Variants in POLE observed in about 807,000 individuals in gnomAD.
The protein encoded by POLE is DNA polymerase epsilon, catalytic subunit.
POLE carries 188 observed loss-of-function variants against 279.2 expected under a neutral mutation model. The observed-to-expected ratio is 0.67, with a 90% CI of 0.60 to 0.76. POLE has a LOEUF of 0.76. Ranked by LOEUF, POLE falls within the 30% of genes least tolerant of loss-of-function variation. The pLI is 0.00. For synonymous variants in POLE, 1,214 were observed against 1,172.5 expected, an observed-to-expected ratio of 1.04 and a Z score of -0.72; for missense variants, 2,703 against 3,016.7, an observed-to-expected ratio of 0.90 and a Z score of 2.44.
In POLE at chr12:132,675,709, T is replaced by A. The variant is rs752346928; in HGVS notation, c.1106+26A>T. The stretch of plus-strand genomic sequence containing the variant: ...CCCTCCCTCTCAAATGCTGCCCAGT[T>A]ACTCATAGAGAAGACACAGACTCAC... On this transcript the variant is annotated intron_variant, in intron 11 of 48. Coordinates refer to ENST00000320574, the MANE Select transcript of POLE (RefSeq NM_006231.4). This position sits in a 1 kb window ranked among gnomAD's most constrained non-coding sequence, Gnocchi z 4.3. 6.2e-7 allele frequency: 1 copy of A among 1,602,362 alleles called. No homozygotes were observed.
chr12:132,661,772 T>C lies in POLE; in HGVS notation c.2707-88A>G, dbSNP rs1436029366. 3.0e-6 allele frequency: 4 copies of C among 1,344,756 alleles called. No homozygotes were observed. The highest frequency in any genetic ancestry group is 4.3e-5 in the Admixed American group (2 of 46,324). 83.3% of individuals were successfully genotyped at this position (1,344,756 alleles called of 1,614,324 possible). A position where few individuals can be genotyped will look rare whatever the true frequency, so the allele number is the denominator to read the frequency against. On this transcript the variant is annotated intron_variant, in intron 23 of 48. Coordinates refer to ENST00000320574, the MANE Select transcript of POLE (RefSeq NM_006231.4). This position sits in a 1 kb window ranked among gnomAD's most constrained non-coding sequence, Gnocchi z 4.1. Reference sequence around the variant, plus strand: ...TGGTGTCCCTCCAGGAGTGGATGGATTGACAAACCGAGGCTTTTCCACATA... The same window carrying C: ...TGGTGTCCCTCCAGGAGTGGATGGACTGACAAACCGAGGCTTTTCCACATA...
Position 132,638,058 on chromosome 12 carries a change from G to A in POLE, c.5634C>T (p.Arg1878=), listed in dbSNP as rs2138500838. Residue 1878 remains arginine, a synonymous_variant, in exon 41 of 49, where the codon CGC becomes CGT. Transcript: ENST00000320574. The part of the protein sequence containing the change: ...FNRIILCTKK[R]RVEDAIAYVE... ...CGTAAGCGATGGCATCTTCCACACG[G>A]CGCTTCTTTGTACAGAGGATGATGC... 6.2e-7 allele frequency: 1 copy of A among 1,614,024 alleles called. No individual in the cohort carries two copies. Among genetic ancestry groups the A allele is most frequent in the Non-Finnish European group, 8.5e-7 (1 of 1,179,974 alleles).
At chr12:132,672,999 G>T (rs938985065) in intron 14 of POLE, among the ~76,000 whole-genome samples, 160 bp from the exon 15 acceptor site, 1 of 152,108 alleles carries the variant, frequency 6.6e-6, no homozygotes, top group Non-Finnish European at 1.5e-5. Flanking sequence ...CTCACACCAG[G>T]GCCAGAGAAT....
chr12:132,634,372 A>G lies in POLE; in HGVS notation c.5818T>C (p.Ser1940Pro), dbSNP rs760770350. Residue 1940 changes from serine (S) to proline (P), a missense_variant, in exon 43 of 49, where the codon TCC (serine) becomes CCC (proline). Ser to Pro is a moderately conservative substitution (Grantham distance 74). This residue lies in a region of POLE where 1,551 missense variants were observed against 1,686.1 expected (regional missense o/e 0.92). Coordinates refer to ENST00000320574, the MANE Select transcript of POLE (RefSeq NM_006231.4). This position sits in a 1 kb window ranked among gnomAD's most constrained non-coding sequence, Gnocchi z 4.0. ...SSRIHCGLQDSQKAGGAEDEQ... is the reference protein window; with the variant it reads ...SSRIHCGLQDPQKAGGAEDEQ... ...TCCTCTGCTCCCCCTGCTTTCTGGG[A>G]GTCTTGCTGTAACACATGAGACAAC... is the stretch of plus-strand genomic sequence containing the variant. 1.2e-6 allele frequency: 2 copies of G among 1,612,652 alleles called. No individual in the cohort carries two copies. Among genetic ancestry groups the G allele is most frequent in the East Asian group, 2.2e-5 (1 of 44,858 alleles).
intron 48 of POLE, 33 bp from the exon 49 acceptor site, chr12:132,624,843 G>A: frequency 1.9e-6 from 3 of 1,586,264 alleles, no homozygotes; most frequent in Non-Finnish European, 1.7e-6. Flanking sequence ...TGAGACCCCA[G>A]TCCACTCAGA....
intron 39 of POLE, 31 bp downstream of exon 39, chr12:132,641,616 T>C (rs373771076): frequency 1.3e-6 from 2 of 1,578,708 alleles, no homozygotes; most frequent in Non-Finnish European, 1.7e-6. Context: ...ACCCTTCTAT[T>C]AGTAACACTC....
intron 5 of POLE, 147 bp downstream of exon 5, chr12:132,679,807 G>A (rs1272024978): frequency 1.0e-6 from 1 of 1,000,904 alleles, no homozygotes; most frequent in African/African-American, 1.6e-5. Flanking sequence ...CACCACTAGA[G>A]CTCTTTGGAA....
At chr12:132,670,111 C>T (rs58778201) in intron 16 of POLE, among the ~76,000 whole-genome samples, 2 of 152,164 alleles carry the variant, frequency 1.3e-5, no homozygotes, top group African/African-American at 4.8e-5. Flanking sequence ...GTGGCTCACG[C>T]CTGTAATCCC....
intron 32 of POLE, among the ~76,000 whole-genome samples, chr12:132,647,909 T>C (rs1183129587): frequency 6.6e-6 from 1 of 152,166 alleles, no homozygotes; most frequent in East Asian, 1.9e-4. Context: ...TGGCTCTGCG[T>C]CTACTTTCTA....
At chr12:132,679,813 T>C (rs1229991612) in intron 5 of POLE, 141 bp downstream of exon 5, 3 of 1,007,412 alleles carry the variant, frequency 3.0e-6, no homozygotes, top group African/African-American at 1.6e-5. Context: ...TAGAGCTCTT[T>C]GGAAGGAATT....
At chr12:132,685,546 T>G (rs939523418) in intron 1 of POLE, among the ~76,000 whole-genome samples, 3 of 152,348 alleles carry the variant, frequency 2.0e-5, no homozygotes, top group African/African-American at 7.2e-5. Context: ...ATAAAGCATG[T>G]AAGGTAAAAG....
In POLE at chr12:132,634,328, G is replaced by A. The variant is rs369929044; in HGVS notation, c.5862C>T (p.Asp1954=). 27 of 1,613,770 alleles carry A rather than the reference G, an allele frequency of 1.7e-5. No homozygotes were observed. The highest frequency in any genetic ancestry group is 1.1e-4 in the African/African-American group (8 of 74,952). The change falls in exon 43 of 49, where the codon GAC becomes GAT. Residue 1954 remains aspartate, a synonymous_variant. Coordinates refer to ENST00000320574, the MANE Select transcript of POLE (RefSeq NM_006231.4). This position sits in a 1 kb window ranked among gnomAD's most constrained non-coding sequence, Gnocchi z 4.0. ...GGAEDEQENE[D]DEEERDGEEE... is the part of the protein sequence containing the mutation. ...CCTCCCCATCTCTTTCCTCCTCATC[G>A]TCCTCATTTTCCTGCTCATCCTCTG...
intron 23 of POLE, among the ~76,000 whole-genome samples, chr12:132,662,607 C>T (rs771134301): frequency 2.0e-5 from 3 of 152,184 alleles, no homozygotes; most frequent in Non-Finnish European, 4.4e-5. Flanking sequence ...ACAGTGAGCA[C>T]AGCAAGCACC....
rs963859439 is a variant in POLE at position 132,680,740 on chromosome 12, G to C, written c.205-53C>G. The C allele has an allele frequency of 2.1e-6, 3 of 1,398,346 alleles. No individual in the cohort carries two copies. The African/African-American group carries it at 4.3e-5, about 20-fold the overall frequency. The allele number at this position is 1,398,346 out of a possible 1,614,324, so 86.6% of individuals were successfully genotyped here. ...CAAGACCATCCTCTACACAGTTAGA[G>C]AAACTTTCCTCCTACCTTTCGGGAA... On this transcript the variant is annotated intron_variant, in intron 2 of 48. Transcript: ENST00000320574.
intron 13 of POLE, 80 bp downstream of exon 13, chr12:132,673,495 C>G (rs2135998240): frequency 6.4e-7 from 1 of 1,563,856 alleles, no homozygotes; most frequent in Non-Finnish European, 8.7e-7. Flanking sequence ...CGGGATGTGG[C>G]TCACATGCCT....
At position 132,668,367 on chromosome 12, in the gene POLE, C is replaced by T. The variant is rs2135974539; in HGVS notation, c.2162G>A (p.Arg721Lys). The T allele has an allele frequency of 6.3e-7, 1 of 1,578,926 alleles. No individual in the cohort carries two copies. Among genetic ancestry groups the T allele is most frequent in the East Asian group, 2.3e-5 (1 of 44,088 alleles). ...SREEQAKYEKRRLADYCRKAY... is the reference protein window; with the variant it reads ...SREEQAKYEKKRLADYCRKAY... ...GCCCAGGCACTCACCCGCCAGCCTT[C>T]TCTTCTCGTATTTCGCCTGTTCCTC... The change falls in exon 19 of 49, where the codon AGA (arginine) becomes AAA (lysine). Residue 721 changes from arginine to lysine, a missense_variant. Transcript: ENST00000320574. This position sits in a 1 kb window ranked among gnomAD's most constrained non-coding sequence, Gnocchi z 4.0.
At chr12:132,676,409 G>A (rs1593078952) in intron 9 of POLE, 137 bp downstream of exon 9, 3 of 727,920 alleles carry the variant, frequency 4.1e-6, no homozygotes, top group Admixed American at 2.2e-5. Context: ...AGGTCGGAAC[G>A]GCTTGGTTGC....
rs1322305752 is a variant in POLE, at chr12:132,634,916, A to G, written c.5812-538T>C. 1.3e-5 allele frequency among the ~76,000 whole-genome samples: 2 copies of G among 152,152 alleles called. No homozygotes were observed. Among genetic ancestry groups the G allele is most frequent in the African/African-American group, 2.4e-5 (1 of 41,428 alleles). ...TCCCACTTTGTTCTGAATCCCTTCA[A>G]TCAGGGTTTATCCCCCAACTCCAAC... On this transcript the variant is annotated intron_variant, in intron 42 of 48. Transcript: ENST00000320574. The surrounding 1 kb of genome is among the most constrained non-coding windows in gnomAD (Gnocchi z 4.0).
chr12:132,652,860 T>C (rs1229734556), intron 29 of POLE, among the ~76,000 whole-genome samples: 2 of 152,198 alleles, frequency 1.3e-5, no homozygotes, highest in African/African-American at 4.8e-5. Context: ...GCCCTCCTTA[T>C]TCTTCAAAAT....
Sources: allele counts gnomAD v4.1 joint callset (sites outside exome capture counted in the v4.1 genomes callset), GRCh38; gene constraint gnomAD v4.1.1; regional missense constraint gnomAD v4.1.1; non-coding constraint Gnocchi (gnomAD v3.1); transcripts MANE v1.5; gene names NCBI Gene and HGNC (gene_info 2026-07-23, HGNC 2026-07-21).